CRY1: variants seen among roughly 807,000 people sequenced by gnomAD.
CRY1 encodes the protein cryptochrome-1.
A neutral mutation model predicts 76.0 loss-of-function variants in CRY1; 45 were observed. The ratio of observed to expected loss-of-function variants is 0.59; its 90% CI spans 0.47 to 0.76. CRY1 has a LOEUF of 0.76. Ranked by LOEUF, CRY1 falls within the 30% of genes least tolerant of loss-of-function variation. The pLI, the probability that CRY1 is intolerant of heterozygous loss-of-function variation, is 0.00. For missense variants in CRY1, 587 were observed against 716.4 expected (o/e 0.82, Z 2.06); for synonymous variants, 248 against 244.0 (o/e 1.02, Z -0.15).
intron 1 of CRY1, among the ~76,000 whole-genome samples, chr12:107,024,308 C>T (rs1179648607): frequency 6.6e-6 from 1 of 151,950 alleles, no homozygotes; most frequent in Non-Finnish European, 1.5e-5. Flanking sequence ...ACCAAAAGGA[C>T]ATGATTAATT....
chr12:107,056,594 A>T (rs1952985298), intron 1 of CRY1, among the ~76,000 whole-genome samples: 1 of 151,758 alleles, frequency 6.6e-6, no homozygotes, highest in Admixed American at 6.6e-5. Context: ...TTTTTTTTTA[A>T]GCTCATCAGC....
intron 1 of CRY1, among the ~76,000 whole-genome samples, chr12:107,069,639 T>C (rs1953160780): frequency 7.3e-6 from 1 of 136,676 alleles, no homozygotes; most frequent in Non-Finnish European, 1.6e-5. Context: ...AAAGTATATA[T>C]ATAAAAAGTA....
chr12:107,019,890 G>C (rs1381862101), intron 2 of CRY1, among the ~76,000 whole-genome samples: 1 of 152,028 alleles, frequency 6.6e-6, no homozygotes, highest in Non-Finnish European at 1.5e-5. Flanking sequence ...CTGCACTACA[G>C]TCAGGGCAAC....
intron 10 of CRY1, among the ~76,000 whole-genome samples, chr12:106,993,295 C>T (rs1952199507): frequency 6.6e-6 from 1 of 151,722 alleles, no homozygotes; most frequent in African/African-American, 2.4e-5. Flanking sequence ...TACTAGATGA[C>T]AATTTGAAAC....
At chr12:107,029,934 T>C (rs1201205215) in intron 1 of CRY1, among the ~76,000 whole-genome samples, 1 of 152,146 alleles carries the variant, frequency 6.6e-6, no homozygotes, top group Non-Finnish European at 1.5e-5. Context: ...TGTTTTGATA[T>C]GGGGAGCGGC....
chr12:106,996,354 C>T (rs1939393724), intron 10 of CRY1, among the ~76,000 whole-genome samples: 1 of 152,190 alleles, frequency 6.6e-6, no homozygotes, highest in Admixed American at 6.5e-5. Flanking sequence ...ACCACATTTT[C>T]TTTATCTAGT....
intron 1 of CRY1, among the ~76,000 whole-genome samples, chr12:107,037,497 A>G (rs2136862972): frequency 6.6e-6 from 1 of 151,748 alleles, no homozygotes; most frequent in East Asian, 1.9e-4. Flanking sequence ...ACACCATTGC[A>G]CTCCAGTGTG....
At chr12:107,085,676 G>T (rs939079041) in intron 1 of CRY1, among the ~76,000 whole-genome samples, 2 of 152,084 alleles carry the variant, frequency 1.3e-5, no homozygotes, top group African/African-American at 4.8e-5. Context: ...GAGGGGCAAG[G>T]GGATGGAGAC....
intron 1 of CRY1, chr12:107,049,750 A>G (rs1952895997): frequency 6.6e-6 from 1 of 152,168 alleles, no homozygotes; most frequent in Non-Finnish European, 1.5e-5. Flanking sequence ...CAGCTTTCCT[A>G]TGTATTTTTA....
chr12:107,034,643 T>C (rs1952713632), intron 1 of CRY1, among the ~76,000 whole-genome samples: 2 of 152,026 alleles, frequency 1.3e-5, no homozygotes, highest in Admixed American at 1.3e-4. Flanking sequence ...TATTCAGAAA[T>C]ATGGGGAAGA....
At chr12:107,031,545 G>A (rs1952674761) in intron 1 of CRY1, among the ~76,000 whole-genome samples, 1 of 152,130 alleles carries the variant, frequency 6.6e-6, no homozygotes. Context: ...AGTGAATACT[G>A]ACAAGTACTA....
chr12:107,001,620 A>ATT, intron 4 of CRY1, 144 bp downstream of exon 4: 1 of 719,878 alleles, frequency 1.4e-6, no homozygotes, highest in Non-Finnish European at 2.2e-6. Context: ...ATCACTTCTT[A>ATT]AAGGGTTCTT....
chr12:107,039,135 A>T (rs1182358637), intron 1 of CRY1, among the ~76,000 whole-genome samples: 1 of 152,162 alleles, frequency 6.6e-6, no homozygotes, highest in Non-Finnish European at 1.5e-5. Context: ...CAAAAAAAAT[A>T]AAATAAATAA....
intron 2 of CRY1, among the ~76,000 whole-genome samples, chr12:107,020,529 TTTTTTTTG>T (rs1430702033): frequency 4.6e-5 from 7 of 151,662 alleles, no homozygotes; most frequent in Non-Finnish European, 5.9e-5. Flanking sequence ...AGATCTGTTT[TTTTTTTTG>T]TTTTTTGTTT....
In CRY1 at chr12:107,037,587, C is replaced by T. The variant is rs529087118; in HGVS notation, c.159-15395G>A. Among the ~76,000 whole-genome samples the T allele has an allele frequency of 4.3e-4, 65 of 152,002 alleles. No homozygotes were observed. In the South Asian group the frequency reaches 7.7e-3, roughly 18 times the overall value. On this transcript the variant is annotated intron_variant, in intron 1 of 12. Transcript: ENST00000008527. ...CTACTGGGAGTCAATCACATGTGTC[C>T]GTGTAAATCATGGTAGAGACTTAAG...
intron 1 of CRY1, among the ~76,000 whole-genome samples, chr12:107,073,857 C>T (rs1422260334): frequency 3.3e-5 from 5 of 152,160 alleles, no homozygotes. Context: ...AAATACACAC[C>T]TAGTCCCAAC....
At chr12:107,064,760 G>C (rs1278103774) in intron 1 of CRY1, among the ~76,000 whole-genome samples, 1 of 152,122 alleles carries the variant, frequency 6.6e-6, no homozygotes, top group Non-Finnish European at 1.5e-5. Context: ...AAAGACAGGA[G>C]AGTCAAAACC....
At chr12:107,083,489 C>T (rs995089615) in intron 1 of CRY1, among the ~76,000 whole-genome samples, 1 of 152,154 alleles carries the variant, frequency 6.6e-6, no homozygotes, top group African/African-American at 2.4e-5. Context: ...AAAAGCTTAT[C>T]CACACGATCA....
intron 1 of CRY1, among the ~76,000 whole-genome samples, chr12:107,022,940 A>G (rs1463376198): frequency 3.9e-5 from 6 of 152,104 alleles, no homozygotes; most frequent in Admixed American, 3.3e-4. Context: ...CACATGACAG[A>G]TATCTAGGAA....
Sources: gnomAD v4.1 joint callset for allele counts (sites outside exome capture counted in the v4.1 genomes callset) on GRCh38, gnomAD v4.1.1 for gene constraint, MANE v1.5 for transcripts, NCBI Gene and HGNC (gene_info 2026-07-23, HGNC 2026-07-21) for gene names.